Variants in GOLGB1 observed in about 807,000 individuals in gnomAD.
The protein encoded by GOLGB1 is golgin B1.
GOLGB1 carries 174 observed loss-of-function variants against 336.9 expected under a neutral mutation model. That is an observed-to-expected ratio of 0.52 (90% CI 0.46 to 0.59). The LOEUF (loss-of-function observed/expected upper bound fraction) is 0.59. Ranked by LOEUF, GOLGB1 falls within the 20% of genes least tolerant of loss-of-function variation. The pLI is 0.00. For missense variants in GOLGB1, 3,331 were observed against 3,645.3 expected (o/e 0.91, Z 2.22); for synonymous variants, 1,208 against 1,289.2 (o/e 0.94, Z 1.35).
intron 17 of GOLGB1, among the ~76,000 whole-genome samples, chr3:121,673,600 TCA>T (rs1939881008): frequency 2.6e-5 from 4 of 152,224 alleles, no homozygotes; most frequent in Admixed American, 2.0e-4. Flanking sequence ...TCAATTTCTT[TCA>T]CAGTGTTTTA....
At chr3:121,672,474 GTTAT>G (rs1463930921) in intron 17 of GOLGB1, among the ~76,000 whole-genome samples, 2 of 152,154 alleles carry the variant, frequency 1.3e-5, no homozygotes, top group Admixed American at 6.5e-5. Context: ...TTTAAGTTGA[GTTAT>G]TTGTTTTCCT....
At chr3:121,688,006 G>A (rs1360747984) in intron 14 of GOLGB1, among the ~76,000 whole-genome samples, 6 of 152,052 alleles carry the variant, frequency 3.9e-5, no homozygotes, top group African/African-American at 7.3e-5. Flanking sequence ...GGCTTTGTTC[G>A]GATTACAAAA....
rs1213991174 is a variant in GOLGB1 at position 121,696,471 on chromosome 3, A to G, written c.4052T>C (p.Ile1351Thr). The G allele has an allele frequency of 3.7e-6, 6 of 1,613,872 alleles. No individual in the cohort carries two copies. The highest frequency in any genetic ancestry group is 1.7e-5 in the Admixed American group (1 of 60,006). Residue 1351 changes from isoleucine (I) to threonine (T), a missense_variant, in exon 13 of 22, where the codon ATA becomes ACA. Transcript: ENST00000614479. ...CTCGATTTCTAAACCCTGTTTATTT[A>G]TCTGCTCTTGTAACTGAAATACCTC... ...SEEVFQLQEQ[I>T]NKQGLEIESL...
At chr3:121,738,337 A>G (rs1261803189) in intron 1 of GOLGB1, among the ~76,000 whole-genome samples, 3 of 152,210 alleles carry the variant, frequency 2.0e-5, no homozygotes, top group African/African-American at 7.2e-5. Context: ...CTTTATTCCC[A>G]CATAAAAACA....
chr3:121,747,342 T>C (rs1480467178), intron 1 of GOLGB1, among the ~76,000 whole-genome samples: 1 of 114,504 alleles, frequency 8.7e-6, no homozygotes, highest in South Asian at 3.0e-4. Context: ...TATATATGTA[T>C]ATATATGTGT....
At chr3:121,733,701 T>C (rs953344695) in intron 1 of GOLGB1, among the ~76,000 whole-genome samples, 3 of 152,262 alleles carry the variant, frequency 2.0e-5, no homozygotes, top group South Asian at 4.1e-4. Flanking sequence ...GGTGAAAGCA[T>C]AGACACACAG....
At chr3:121,722,696 A>C (rs1945284077) in intron 5 of GOLGB1, among the ~76,000 whole-genome samples, 1 of 152,218 alleles carries the variant, frequency 6.6e-6, no homozygotes, top group South Asian at 2.1e-4. Flanking sequence ...ATATAAGCTA[A>C]TAAGGACAAA....
chr3:121,737,423 C>A (rs1319822400), intron 1 of GOLGB1, among the ~76,000 whole-genome samples: 1 of 152,104 alleles, frequency 6.6e-6, no homozygotes. Flanking sequence ...GAGGCTGAGG[C>A]GGGTGGATCA....
chr3:121,731,156 C>A (rs1161189500), intron 1 of GOLGB1, among the ~76,000 whole-genome samples, 183 bp from the exon 2 acceptor site: 1 of 152,180 alleles, frequency 6.6e-6, no homozygotes, highest in African/African-American at 2.4e-5. Flanking sequence ...AGTGTAGTCA[C>A]ACGCTGTTCT....
At position 121,695,629 on chromosome 3, in the gene GOLGB1, T is replaced by C. The variant is rs1942873392; in HGVS notation, c.4894A>G (p.Asn1632Asp). ...ACATGCTGAATCCTTTCTGCTTCAT[T>C]ACTAACATTCTCATAGGACTGCAGA... ...ILLQSYENVS[N>D]EAERIQHVVE... is the part of the protein sequence containing the mutation. The change falls in exon 13 of 22, where the codon AAT (asparagine) becomes GAT (aspartate). Residue 1632 changes from asparagine (N) to aspartate (D), a missense_variant. Coordinates refer to ENST00000614479, the MANE Select transcript of GOLGB1 (RefSeq NM_001366282.2). 1 of 1,613,760 alleles carries C rather than the reference T, an allele frequency of 6.2e-7. No individual in the cohort carries two copies. Among genetic ancestry groups the C allele is most frequent in the South Asian group, 1.1e-5 (1 of 91,084 alleles).
In GOLGB1 at chr3:121,749,667, C is replaced by G. The variant is rs540315912; in HGVS notation, c.-38G>C. 40 of 152,576 alleles carry G rather than the reference C, an allele frequency of 2.6e-4. No homozygotes were observed. The highest frequency in any genetic ancestry group is 8.9e-4 in the African/African-American group (37 of 41,576). The allele number at this position is 152,576 out of a possible 1,614,324, so 9.5% of individuals were successfully genotyped here. On this transcript the variant is annotated 5_prime_UTR_variant, in exon 1 of 22. Transcript: ENST00000614479. ...TGCCGCCTGAGGCTCCAGCTGCCCC[C>G]CTCCCAATTCAAGCCACGTCAGCTC...
At position 121,714,853 on chromosome 3, in the gene GOLGB1, T is replaced by G. The variant is rs1944631176; in HGVS notation, c.1404+8A>C. On this transcript the variant is annotated splice_region_variant and intron_variant, in intron 10 of 21. Coordinates refer to ENST00000614479, the MANE Select transcript of GOLGB1 (RefSeq NM_001366282.2). ...GTTAATATTCATAAGAAGTTCACAT[T>G]TAATTACCTGTGTGCCCTCATTATA... The G allele has an allele frequency of 6.7e-7, 1 of 1,500,362 alleles. No individual in the cohort carries two copies. Among genetic ancestry groups the G allele is most frequent in the Non-Finnish European group, 9.3e-7 (1 of 1,076,588 alleles). The allele number at this position is 1,500,362 out of a possible 1,614,324, so 92.9% of individuals were successfully genotyped here.
intron 15 of GOLGB1, among the ~76,000 whole-genome samples, chr3:121,679,625 C>T (rs1457193559): frequency 6.6e-6 from 1 of 152,186 alleles, no homozygotes; most frequent in African/African-American, 2.4e-5. Context: ...CACAGTATCT[C>T]ACCACTCCCA....
At chr3:121,713,000 A>G (rs1292109655) in intron 10 of GOLGB1, among the ~76,000 whole-genome samples, 6 of 152,076 alleles carry the variant, frequency 3.9e-5, no homozygotes, top group Admixed American at 6.5e-5. Flanking sequence ...TGTCTCTACT[A>G]AAAATACAAA....
At chr3:121,722,016 A>G (rs1233095323) in intron 6 of GOLGB1, among the ~76,000 whole-genome samples, 1 of 152,226 alleles carries the variant, frequency 6.6e-6, no homozygotes, top group East Asian at 1.9e-4. Flanking sequence ...GTCATCAATT[A>G]GGCTATAGAA....
In GOLGB1 at chr3:121,730,876, AGGGTCTAG is replaced by A. The variant is rs1221721680; in HGVS notation, c.88_95del (p.Leu30Ter). On this transcript the variant is annotated frameshift_variant and splice_region_variant, in exon 2 of 22. Transcript: ENST00000614479. LOFTEE classifies it high-confidence loss of function. ...TTTAAATCAGAACAGAACTACTCAC[AGGGTCTAG>A]GGGAGCCCTCATATTCTGATCAGTG... 9.9e-6 allele frequency: 16 copies of A among 1,608,126 alleles called. No homozygotes were observed. In the African/African-American group the frequency reaches 2.1e-4, roughly 22 times the overall value.
In GOLGB1 at chr3:121,691,840, T is replaced by G. The variant is rs1395918518; in HGVS notation, c.7524A>C (p.Ala2508=). ...EKDQLIQEAA[A]ENNKLKEEIR... ...TTTCTTCTTTAAGCTTATTATTCTC[T>G]GCAGCAGCCTCTTGGATGAGTTGGT... Residue 2508 remains alanine (A), a synonymous_variant, in exon 14 of 22, where the codon GCA becomes GCC. Coordinates refer to ENST00000614479, the MANE Select transcript of GOLGB1 (RefSeq NM_001366282.2). 1 of 1,613,104 alleles carries G rather than the reference T, an allele frequency of 6.2e-7. No individual in the cohort carries two copies. The highest frequency in any genetic ancestry group is 1.7e-5 in the Admixed American group (1 of 59,864).
At chr3:121,666,080 G>A (rs1938573052) in intron 20 of GOLGB1, among the ~76,000 whole-genome samples, 1 of 152,208 alleles carries the variant, frequency 6.6e-6, no homozygotes, top group African/African-American at 2.4e-5. Context: ...GTCTGTCAAT[G>A]TAGGCTATGC....
At chr3:121,706,347 A>T (rs1200202718) in intron 10 of GOLGB1, among the ~76,000 whole-genome samples, 1 of 152,140 alleles carries the variant, frequency 6.6e-6, no homozygotes, top group African/African-American at 2.4e-5. Flanking sequence ...TGCTATGTCA[A>T]GGTACATTAT....
Sources: allele counts gnomAD v4.1 joint callset (sites outside exome capture counted in the v4.1 genomes callset), GRCh38; gene constraint gnomAD v4.1.1; transcripts MANE v1.5; gene names NCBI Gene and HGNC (gene_info 2026-07-23, HGNC 2026-07-21).